APBA1: variants seen among roughly 807,000 people sequenced by gnomAD.
APBA1 encodes amyloid-beta A4 precursor protein-binding family A member 1.
In APBA1, 55 loss-of-function variants were observed where a neutral mutation model predicts 86.6. The ratio of observed to expected loss-of-function variants is 0.64; its 90% CI spans 0.51 to 0.80. The LOEUF (loss-of-function observed/expected upper bound fraction) is 0.80, where lower values mean the gene tolerates loss of function less well. Ranked by LOEUF, APBA1 falls within the 30% of genes least tolerant of loss-of-function variation. The pLI is 0.00. For synonymous variants in APBA1, 511 were observed against 493.9 expected (o/e 1.03, Z -0.46); for missense variants, 1,090 against 1,183.0 (o/e 0.92, Z 1.15).
At chr9:69,453,740 C>G (rs1835050596) in intron 8 of APBA1, among the ~76,000 whole-genome samples, 1 of 152,240 alleles carries the variant, frequency 6.6e-6, no homozygotes, top group Admixed American at 6.5e-5. Context: ...GGGAAGTACA[C>G]AGAGCACAGT....
chr9:69,591,054 G>A (rs1822119243), intron 1 of APBA1, among the ~76,000 whole-genome samples: 2 of 152,176 alleles, frequency 1.3e-5, no homozygotes, highest in South Asian at 2.1e-4. Context: ...TGTGGGAGGA[G>A]GTGAAAAACT....
chr9:69,658,260 CTTT>C (rs1823660814), intron 1 of APBA1, among the ~76,000 whole-genome samples: 1 of 21,234 alleles, frequency 4.7e-5, no homozygotes, highest in African/African-American at 6.6e-5. Flanking sequence ...TTCTTTCTTT[CTTT>C]CTTTCTTTCT....
chr9:69,445,374 T>C (rs1366513326), intron 10 of APBA1, among the ~76,000 whole-genome samples: 2 of 152,226 alleles, frequency 1.3e-5, no homozygotes, highest in African/African-American at 4.8e-5. Flanking sequence ...CCCATTAACT[T>C]GGATTTCTGA....
intron 1 of APBA1, among the ~76,000 whole-genome samples, chr9:69,636,946 A>AGAAAGAAAGAAG (rs1823187626): frequency 6.9e-6 from 1 of 145,612 alleles, no homozygotes; most frequent in Admixed American, 6.8e-5. Context: ...AAAGAAAGAA[A>AGAAAGAAAGAAG]GAAAGAAAGA....
chr9:69,483,669 G>A (rs1331973), intron 2 of APBA1, among the ~76,000 whole-genome samples: 123,484 of 152,100 alleles, frequency 0.81, 50,327 homozygotes, highest in Admixed American at 0.86. Context: ...ATGCTGTGAG[G>A]CTTGAATTTG....
intron 1 of APBA1, among the ~76,000 whole-genome samples, chr9:69,597,779 G>C (rs149065489): frequency 1.2e-4 from 18 of 152,006 alleles, no homozygotes; most frequent in South Asian, 2.1e-4. Flanking sequence ...AATCCTTTCC[G>C]CATTGCTTGT....
At chr9:69,632,712 T>C (rs1823072690) in intron 1 of APBA1, among the ~76,000 whole-genome samples, 1 of 152,176 alleles carries the variant, frequency 6.6e-6, no homozygotes, top group Non-Finnish European at 1.5e-5. Context: ...ATCAGATACA[T>C]GAAGTCACTT....
At chr9:69,491,160 G>A (rs1470769672) in intron 2 of APBA1, among the ~76,000 whole-genome samples, 1 of 152,184 alleles carries the variant, frequency 6.6e-6, no homozygotes, top group Middle Eastern at 3.4e-3. Flanking sequence ...GCACACGTAT[G>A]TTTATTGTGG....
chr9:69,636,922 G>GGAAAGAAAGAAAGAAAGAAA (rs1164309911), intron 1 of APBA1, among the ~76,000 whole-genome samples: 8 of 63,970 alleles, frequency 1.3e-4, no homozygotes, highest in African/African-American at 4.7e-4. Flanking sequence ...AAGGAAGGAA[G>GGAAAGAAAGAAAGAAAGAAA]GAAAGAAAGA....
intron 11 of APBA1, among the ~76,000 whole-genome samples, chr9:69,439,658 A>T (rs1236786511): frequency 6.6e-6 from 1 of 151,978 alleles, no homozygotes; most frequent in Non-Finnish European, 1.5e-5. Context: ...ACTTCTCTGC[A>T]TTGGTTATTC....
chr9:69,657,896 CA>C lies in APBA1; in HGVS notation c.-70+14256del, dbSNP rs545112680. Among the ~76,000 whole-genome samples the C allele has an allele frequency of 7.1e-4, 108 of 152,250 alleles. 1 individual carries two copies. Among genetic ancestry groups the C allele is most frequent in the African/African-American group, 2.5e-3 (102 of 41,536 alleles). ...AAGGTATACATCAGGTATAAATCCA[CA>C]GAGAATGGAAGAGAGAATATTCACA... On this transcript the variant is annotated intron_variant, in intron 1 of 12. Coordinates refer to ENST00000265381, the MANE Select transcript of APBA1 (RefSeq NM_001163.4).
rs1419523492 is a variant in APBA1 at position 69,516,650 on chromosome 9, ATAGGGCTCGGAG to A, written c.549_560del (p.Ser184_Tyr187del). The A allele has an allele frequency of 6.2e-7, 1 of 1,609,264 alleles. No individual in the cohort carries two copies. The highest frequency in any genetic ancestry group is 8.5e-7 in the Non-Finnish European group (1 of 1,179,130). ...GCTCCTGGAGGCCGCCGTAGTCGGC[ATAGGGCTCGGAG>A]TAGGGCTCGTCCTCACCGCGGTGGA... is the stretch of plus-strand genomic sequence containing the variant. On this transcript the variant is annotated inframe_deletion, in exon 2 of 13. Transcript: ENST00000265381. This position sits in a 1 kb window ranked among gnomAD's most constrained non-coding sequence, Gnocchi z 7.3.
chr9:69,499,273 T>C lies in APBA1; in HGVS notation c.1200+16738A>G, dbSNP rs185545141. ...GGGCTAACTATCCTAGAACCACCCT[T>C]CTTCCCTTCCCTAGGAATACATCAC... On this transcript the variant is annotated intron_variant, in intron 2 of 12. Coordinates refer to ENST00000265381, the MANE Select transcript of APBA1 (RefSeq NM_001163.4). Among the ~76,000 whole-genome samples the C allele has an allele frequency of 2.0e-5, 3 of 152,218 alleles. No homozygotes were observed. The South Asian group carries it at 6.2e-4, about 32-fold the overall frequency.
intron 1 of APBA1, among the ~76,000 whole-genome samples, chr9:69,579,832 T>C (rs544539499): frequency 6.6e-6 from 1 of 152,256 alleles, no homozygotes; most frequent in Admixed American, 6.5e-5. Flanking sequence ...AATTTGGAAA[T>C]AGATCTAATT....
intron 1 of APBA1, among the ~76,000 whole-genome samples, chr9:69,528,693 G>C (rs984573550): frequency 6.6e-6 from 1 of 151,996 alleles, no homozygotes; most frequent in East Asian, 1.9e-4. Flanking sequence ...ACTACACTAA[G>C]TGGGGGCGAG....
At chr9:69,436,209 G>T (rs547131099) in intron 11 of APBA1, among the ~76,000 whole-genome samples, 13 of 150,132 alleles carry the variant, frequency 8.7e-5, no homozygotes, top group Middle Eastern at 3.4e-3. Context: ...AAGTCAGGTA[G>T]CGTGATGCCT....
At chr9:69,614,095 T>G (rs183936982) in intron 1 of APBA1, among the ~76,000 whole-genome samples, 3 of 152,200 alleles carry the variant, frequency 2.0e-5, no homozygotes, top group African/African-American at 7.2e-5. Flanking sequence ...GCTTTTTACA[T>G]CCATGTAACT....
intron 2 of APBA1, among the ~76,000 whole-genome samples, chr9:69,482,137 A>G (rs1422086436): frequency 6.6e-6 from 1 of 151,982 alleles, no homozygotes; most frequent in Non-Finnish European, 1.5e-5. Context: ...TAATTAAACT[A>G]AAGAGCTTCT....
At chr9:69,605,434 T>C (rs1485514633) in intron 1 of APBA1, among the ~76,000 whole-genome samples, 2 of 152,358 alleles carry the variant, frequency 1.3e-5, no homozygotes, top group East Asian at 3.9e-4. Flanking sequence ...ATGCAACATA[T>C]TGTTGAAATT....
Sources: gnomAD v4.1 joint callset for allele counts (sites outside exome capture counted in the v4.1 genomes callset) on GRCh38, gnomAD v4.1.1 for gene constraint, Gnocchi (gnomAD v3.1) non-coding constraint, MANE v1.5 for transcripts, NCBI Gene and HGNC (gene_info 2026-07-23, HGNC 2026-07-21) for gene names.